Variants in HDAC9 observed in about 807,000 individuals in gnomAD.
The protein encoded by HDAC9 is histone deacetylase 9.
A neutral mutation model predicts 139.4 loss-of-function variants in HDAC9; 41 were observed. The ratio of observed to expected loss-of-function variants is 0.29; its 90% CI spans 0.23 to 0.38. HDAC9 has a LOEUF of 0.38. Ranked by LOEUF, HDAC9 falls within the 10% of genes least tolerant of loss-of-function variation. The probability of loss-of-function intolerance (pLI) is 1.00; values close to 1 mark genes in which losing one functional copy is unlikely to be tolerated. For missense variants in HDAC9, 1,147 were observed against 1,297.0 expected, an observed-to-expected ratio of 0.88 and a Z score of 1.78; for synonymous variants, 517 against 476.2, an observed-to-expected ratio of 1.09 and a Z score of -1.12.
chr7:18,245,845 C>T (rs2128193649), intron 2 of HDAC9, among the ~76,000 whole-genome samples: 1 of 152,144 alleles, frequency 6.6e-6, no homozygotes, highest in Non-Finnish European at 1.5e-5. Context: ...AACCTCTTGG[C>T]TCAGGAGGCC....
intron 12 of HDAC9, among the ~76,000 whole-genome samples, chr7:18,700,479 AC>A (rs556813241): frequency 2.0e-3 from 304 of 152,202 alleles, no homozygotes; most frequent in Non-Finnish European, 3.4e-3. Flanking sequence ...GCTATCTCTC[AC>A]CTCTGTGTGT....
At chr7:18,455,879 A>G (rs1444823755) in intron 1 of HDAC9, among the ~76,000 whole-genome samples, 1 of 152,178 alleles carries the variant, frequency 6.6e-6, no homozygotes, top group Non-Finnish European at 1.5e-5. Context: ...TTCCTTTATC[A>G]TCAATTAGTG....
At chr7:18,985,302 G>C (rs567666171) in intron 25 of HDAC9, among the ~76,000 whole-genome samples, 192 of 151,888 alleles carry the variant, frequency 1.3e-3, no homozygotes, top group African/African-American at 4.5e-3. Flanking sequence ...TCCCACCTAT[G>C]AGTGAGAATA....
intron 2 of HDAC9, among the ~76,000 whole-genome samples, chr7:18,268,847 T>C (rs560441335): frequency 6.6e-6 from 1 of 152,336 alleles, no homozygotes; most frequent in Admixed American, 6.5e-5. Context: ...AGAAGAACAG[T>C]TTCTTTTCTA....
intron 6 of HDAC9, among the ~76,000 whole-genome samples, chr7:18,612,941 G>C (rs189302532): frequency 1.3e-5 from 2 of 151,646 alleles, no homozygotes; most frequent in Admixed American, 1.3e-4. Flanking sequence ...TGAAACTTTA[G>C]GCTGACTAGC....
chr7:18,187,299 A>G (rs953793154), intron 2 of HDAC9, among the ~76,000 whole-genome samples: 1 of 152,242 alleles, frequency 6.6e-6, no homozygotes, highest in African/African-American at 2.4e-5. Context: ...AAATGAGGAT[A>G]CTGAGGGTCA....
chr7:18,313,941 T>C (rs1431419449), intron 1 of HDAC9, among the ~76,000 whole-genome samples: 2 of 152,200 alleles, frequency 1.3e-5, no homozygotes, highest in African/African-American at 4.8e-5. Flanking sequence ...TTCAGGGATC[T>C]ACATTGGTTA....
Position 19,002,327 on chromosome 7 carries a change from T to C in HDAC9, c.*6265T>C, listed in dbSNP as rs1563126324. On this transcript the variant is annotated 3_prime_UTR_variant, in exon 26 of 26. Coordinates refer to ENST00000686413, the MANE Select transcript of HDAC9 (RefSeq NM_178425.4). ...GTTAATGTCATGACTCTCCTTTGAATAGAATAAAATAACCCCTTTTGTTTT... is the reference window on the plus strand; with the variant it reads ...GTTAATGTCATGACTCTCCTTTGAACAGAATAAAATAACCCCTTTTGTTTT... The C allele has an allele frequency of 6.6e-6, 1 of 152,146 alleles. No individual in the cohort carries two copies. 9.4% of individuals were successfully genotyped at this position (152,146 alleles called of 1,614,324 possible).
At chr7:18,484,023 T>C (rs1795783330) in intron 1 of HDAC9, among the ~76,000 whole-genome samples, 1 of 152,000 alleles carries the variant, frequency 6.6e-6, no homozygotes, top group African/African-American at 2.4e-5. Flanking sequence ...AAGGGTACTT[T>C]AGTTTTACCC....
At chr7:18,541,219 G>T (rs751095851) in intron 2 of HDAC9, among the ~76,000 whole-genome samples, 20 of 121,780 alleles carry the variant, frequency 1.6e-4, no homozygotes, top group Non-Finnish European at 1.3e-4. Flanking sequence ...GAAGCAGATA[G>T]CCTTTGCCAT....
intron 1 of HDAC9, among the ~76,000 whole-genome samples, chr7:18,145,051 A>G (rs1786201878): frequency 6.6e-6 from 1 of 152,190 alleles, no homozygotes; most frequent in African/African-American, 2.4e-5. Flanking sequence ...GTGTTTCCAC[A>G]ATTTATGGAC....
intron 6 of HDAC9, among the ~76,000 whole-genome samples, chr7:18,606,832 T>A (rs1019366350): frequency 3.3e-5 from 5 of 152,198 alleles, no homozygotes; most frequent in Non-Finnish European, 7.4e-5. Context: ...AACTAACATA[T>A]CTGAAATCTG....
intron 2 of HDAC9, among the ~76,000 whole-genome samples, chr7:18,283,311 C>A (rs560012128): frequency 6.6e-6 from 1 of 152,246 alleles, no homozygotes; most frequent in Non-Finnish European, 1.5e-5. Flanking sequence ...AACTCACTCA[C>A]AATCAAGAGA....
chr7:18,290,506 A>G (rs868362340), exon 1 of HDAC9: 4 of 456,544 alleles, frequency 8.8e-6, no homozygotes, highest in African/African-American at 6.0e-5. Flanking sequence ...GGGAATGCAC[A>G]ACAAAACGGG....
chr7:18,238,593 G>T (rs191777643), intron 2 of HDAC9, among the ~76,000 whole-genome samples: 47 of 152,246 alleles, frequency 3.1e-4, no homozygotes, highest in Admixed American at 2.0e-3. Flanking sequence ...ATTGCTATAA[G>T]GCGTTAGTAC....
chr7:18,557,411 C>G (rs1819172061), intron 2 of HDAC9, among the ~76,000 whole-genome samples: 1 of 141,172 alleles, frequency 7.1e-6, no homozygotes, highest in African/African-American at 2.6e-5. Context: ...CCTAAGTTTT[C>G]TTTATTACAA....
chr7:18,839,779 A>T (rs1265274454), intron 21 of HDAC9, among the ~76,000 whole-genome samples: 1 of 152,064 alleles, frequency 6.6e-6, no homozygotes, highest in Non-Finnish European at 1.5e-5. Context: ...TCATTTCAAA[A>T]GGATGTTCCA....
intron 2 of HDAC9, chr7:18,509,282 A>ACTT (rs1800717087): frequency 1.0e-6 from 1 of 985,202 alleles, no homozygotes; most frequent in African/African-American, 1.7e-5. Flanking sequence ...TCTCCACTTA[A>ACTT]CTTCTGCCTT....
intron 12 of HDAC9, among the ~76,000 whole-genome samples, chr7:18,707,737 A>G (rs946191333): frequency 1.2e-4 from 18 of 152,212 alleles, no homozygotes; most frequent in African/African-American, 4.3e-4. Flanking sequence ...ATGTTCTAAA[A>G]TGAGCATGTC....
Sources: allele counts gnomAD v4.1 joint callset (sites outside exome capture counted in the v4.1 genomes callset), GRCh38; gene constraint gnomAD v4.1.1; transcripts MANE v1.5; gene names NCBI Gene and HGNC (gene_info 2026-07-23, HGNC 2026-07-21).